The following RAI1 variants were observed in gnomAD, a reference collection of about 807,000 sequenced individuals.
The protein encoded by RAI1 is retinoic acid-induced protein 1.
Under a neutral mutation model 123.8 loss-of-function variants are expected in RAI1, and 9 were observed. The observed-to-expected ratio is 0.07, with a 90% CI of 0.04 to 0.13. The LOEUF is 0.13. RAI1 is among the 10% of genes least tolerant of loss of function. The pLI is 1.00. For synonymous variants in RAI1, 1,231 were observed against 1,127.3 expected, an observed-to-expected ratio of 1.09 and a Z score of -1.84; for missense variants, 2,256 against 2,545.8, an observed-to-expected ratio of 0.89 and a Z score of 2.45.
intron 2 of RAI1, among the ~76,000 whole-genome samples, chr17:17,780,497 C>T (rs1042318544): frequency 2.6e-5 from 4 of 152,214 alleles, no homozygotes; most frequent in African/African-American, 9.6e-5. Flanking sequence ...GGCATCTCCC[C>T]GATTGAGGTC....
At chr17:17,770,412 G>GC (rs1416866287) in intron 2 of RAI1, among the ~76,000 whole-genome samples, 4 of 152,324 alleles carry the variant, frequency 2.6e-5, no homozygotes, top group Admixed American at 2.6e-4. Flanking sequence ...AGAGATGCTG[G>GC]CGGCTGAGCT....
At chr17:17,792,651 C>T (rs2032059166) in intron 2 of RAI1, among the ~76,000 whole-genome samples, 1 of 151,858 alleles carries the variant, frequency 6.6e-6, no homozygotes, top group Non-Finnish European at 1.5e-5. Flanking sequence ...AGTGGCCGTC[C>T]TTGGCAAGAC....
chr17:17,777,294 C>T (rs2031380975), intron 2 of RAI1: 1 of 152,228 alleles, frequency 6.6e-6, no homozygotes, highest in African/African-American at 2.4e-5. Context: ...TCCCCATGCC[C>T]TCACCAGCTA....
chr17:17,778,871 G>A (rs1358758036), intron 2 of RAI1: 1 of 456,836 alleles, frequency 2.2e-6, no homozygotes, highest in Non-Finnish European at 4.4e-6. Flanking sequence ...CCAAGAGGGA[G>A]GGAGTTCTGG....
intron 1 of RAI1, among the ~76,000 whole-genome samples, chr17:17,723,339 A>AC (rs35272447): frequency 0.045 from 6,083 of 134,418 alleles, 191 homozygotes; most frequent in Non-Finnish European, 0.062. Context: ...TTGTATCCAG[A>AC]CCCCCCCCCC....
At chr17:17,757,451 G>T (rs955477989) in intron 2 of RAI1, among the ~76,000 whole-genome samples, 5 of 152,188 alleles carry the variant, frequency 3.3e-5, no homozygotes, top group Non-Finnish European at 5.9e-5. Context: ...CCGTAGGGGT[G>T]GGGGACAGCC....
chr17:17,796,317 G>C lies in RAI1; in HGVS notation c.3369G>C (p.Pro1123=). 6.2e-7 allele frequency: 1 copy of C among 1,611,642 alleles called. No homozygotes were observed. The highest frequency in any genetic ancestry group is 8.5e-7 in the Non-Finnish European group (1 of 1,178,906). ...TGCCTGTGGCCTCCGACAGCAGCCC[G>C]ATGGGCTCCAAGACCAAGGAGACAG... The part of the protein sequence containing the change: ...AALPVASDSS[P]MGSKTKETDS... The change falls in exon 3 of 6, where the codon CCG becomes CCC. Residue 1123 remains proline (P), a synonymous_variant. Transcript: ENST00000353383. This position sits in a 1 kb window ranked among gnomAD's most constrained non-coding sequence, Gnocchi z 5.8.
chr17:17,761,151 T>A (rs116390064), intron 2 of RAI1, among the ~76,000 whole-genome samples: 1,741 of 152,318 alleles, frequency 0.011, 27 homozygotes, highest in African/African-American at 0.04. Context: ...TAGACCAGTA[T>A]TGTCCTGAGG....
rs974041074 is a variant in RAI1 at position 17,796,971 on chromosome 17, C to G, written c.4023C>G (p.Leu1341=). 1 of 1,613,858 alleles carries G rather than the reference C, an allele frequency of 6.2e-7. No homozygotes were observed. Among genetic ancestry groups the G allele is most frequent in the African/African-American group, 1.3e-5 (1 of 75,058 alleles). The part of the protein sequence containing the change: ...AIVQKITSPS[L]KKFACKAPGA... Reference sequence around the variant, plus strand: ...TGCAGAAGATCACCTCGCCCAGCCTCAAGAAGTTCGCATGTAAAGCGCCAG... The same window carrying G: ...TGCAGAAGATCACCTCGCCCAGCCTGAAGAAGTTCGCATGTAAAGCGCCAG... The change falls in exon 3 of 6, where the codon CTC becomes CTG. Residue 1341 remains leucine, a synonymous_variant. Coordinates refer to ENST00000353383, the MANE Select transcript of RAI1 (RefSeq NM_030665.4). This position sits in a 1 kb window ranked among gnomAD's most constrained non-coding sequence, Gnocchi z 5.8.
chr17:17,698,765 C>T (rs916537560), intron 1 of RAI1, among the ~76,000 whole-genome samples: 4 of 152,094 alleles, frequency 2.6e-5, no homozygotes, highest in Non-Finnish European at 5.9e-5. Flanking sequence ...TTTTCTTTGG[C>T]GCTGTGACTC....
At chr17:17,750,612 T>C (rs572177308) in intron 2 of RAI1, among the ~76,000 whole-genome samples, 4 of 145,354 alleles carry the variant, frequency 2.8e-5, no homozygotes, top group Non-Finnish European at 4.5e-5. Context: ...TCCCAGCAAC[T>C]TGGGAGGCTG....
chr17:17,718,128 C>T (rs991965163), intron 1 of RAI1, among the ~76,000 whole-genome samples: 2 of 152,190 alleles, frequency 1.3e-5, no homozygotes, highest in African/African-American at 2.4e-5. Context: ...ACTCCCTCTC[C>T]CCTCTCCCCC....
chr17:17,797,056 G>A lies in RAI1; in HGVS notation c.4108G>A (p.Gly1370Ser), dbSNP rs1464572038. 5.0e-6 allele frequency: 8 copies of A among 1,613,840 alleles called. No individual in the cohort carries two copies. Among genetic ancestry groups the A allele is most frequent in the Non-Finnish European group, 6.8e-6 (8 of 1,180,050 alleles). ...TTCCGACAAAGACCGTGGGCTCAAG[G>A]GTGCTGGGGGCAGCCCAGTGGGGGT... ...SLSDKDRGLKGAGGSPVGVEE... is the reference protein window; with the variant it reads ...SLSDKDRGLKSAGGSPVGVEE... Residue 1370 changes from glycine to serine, a missense_variant, in exon 3 of 6, where the codon GGT becomes AGT. By Grantham distance (56) the Gly-to-Ser change is moderately conservative. Transcript: ENST00000353383.
intron 1 of RAI1, among the ~76,000 whole-genome samples, chr17:17,712,742 CTG>C (rs1375719160): frequency 1.3e-5 from 2 of 152,170 alleles, no homozygotes; most frequent in African/African-American, 2.4e-5. Flanking sequence ...CCTGAGGAAA[CTG>C]TGGTCAAGCC....
chr17:17,699,183 G>T (rs1290788924), intron 1 of RAI1, among the ~76,000 whole-genome samples: 3 of 152,202 alleles, frequency 2.0e-5, no homozygotes, highest in Non-Finnish European at 4.4e-5. Flanking sequence ...CGTCACCTCT[G>T]AGTGGAACTC....
At position 17,794,830 on chromosome 17, in the gene RAI1, G is replaced by A. The variant is rs371291565; in HGVS notation, c.1882G>A (p.Glu628Lys). 1.2e-4 allele frequency: 199 copies of A among 1,613,062 alleles called. No individual in the cohort carries two copies. Among genetic ancestry groups the A allele is most frequent in the Non-Finnish European group, 1.6e-4 (189 of 1,180,002 alleles). ...TGAGAAGGCCGACAAAGCTTGGGCT[G>A]AAGCACCCAGCCTGGTCAAGGACAG... The part of the protein sequence containing the change: ...IGEKADKAWA[E>K]APSLVKDSSK... Residue 628 changes from glutamate to lysine, a missense_variant, in exon 3 of 6, where the codon GAA becomes AAA. Around this residue, in one of 7 missense-constraint regions of RAI1, gnomAD observed 566 missense variants for 616.0 expected, o/e 0.92. Transcript: ENST00000353383.
At position 17,788,057 on chromosome 17, in the gene RAI1, T is replaced by A. The variant is rs140261241; in HGVS notation, c.-16-4876T>A. ...GCCCTTCTGCTTCTCACCCCATCACTGGCATCCTGATATTTGGGACCCCCA... is the reference window on the plus strand; with the variant it reads ...GCCCTTCTGCTTCTCACCCCATCACAGGCATCCTGATATTTGGGACCCCCA... On this transcript the variant is annotated intron_variant, in intron 2 of 5. Coordinates refer to ENST00000353383, the MANE Select transcript of RAI1 (RefSeq NM_030665.4). 3.9e-3 allele frequency among the ~76,000 whole-genome samples: 594 copies of A among 152,284 alleles called. 4 individuals are homozygous for A. The highest frequency in any genetic ancestry group is 0.014 in the African/African-American group (562 of 41,562).
chr17:17,773,884 ATAAT>A (rs1567891954), intron 2 of RAI1, among the ~76,000 whole-genome samples: 1 of 152,238 alleles, frequency 6.6e-6, no homozygotes, highest in Non-Finnish European at 1.5e-5. Context: ...TAATAGGCAC[ATAAT>A]TAATAATCAC....
At chr17:17,696,897 T>A (rs969861521) in intron 1 of RAI1, among the ~76,000 whole-genome samples, 1 of 152,254 alleles carries the variant, frequency 6.6e-6, no homozygotes, top group African/African-American at 2.4e-5. Flanking sequence ...AGGCCCCTTG[T>A]CGATCCTGTG....
Sources: gnomAD v4.1 joint callset for allele counts (sites outside exome capture counted in the v4.1 genomes callset) on GRCh38, gnomAD v4.1.1 for gene constraint, gnomAD v4.1.1 regional missense constraint, Gnocchi (gnomAD v3.1) non-coding constraint, MANE v1.5 for transcripts, NCBI Gene and HGNC (gene_info 2026-07-23, HGNC 2026-07-21) for gene names.